Variants in SGCD observed in about 807,000 individuals in gnomAD.
SGCD encodes the protein delta-sarcoglycan.
In SGCD, 18 loss-of-function variants were observed where a neutral mutation model predicts 36.6. The ratio of observed to expected loss-of-function variants is 0.49; its 90% CI spans 0.34 to 0.73. SGCD has a LOEUF of 0.73. Ranked by LOEUF, SGCD falls within the 30% of genes least tolerant of loss-of-function variation. The probability of loss-of-function intolerance (pLI) is 0.01; values close to 1 mark genes in which losing one functional copy is unlikely to be tolerated. For synonymous variants in SGCD, 133 were observed against 130.6 expected, an observed-to-expected ratio of 1.02 and a Z score of -0.12; for missense variants, 387 against 346.7, an observed-to-expected ratio of 1.12 and a Z score of -0.92.
intron 3 of SGCD, among the ~76,000 whole-genome samples, chr5:156,290,416 A>G (rs1197218375): frequency 1.3e-5 from 2 of 152,182 alleles, no homozygotes; most frequent in Non-Finnish European, 1.5e-5. Flanking sequence ...AATAAGGAAG[A>G]TTGCTCAAGA....
chr5:156,539,543 A>G (rs1289328881), intron 4 of SGCD, among the ~76,000 whole-genome samples: 1 of 152,138 alleles, frequency 6.6e-6, no homozygotes, highest in African/African-American at 2.4e-5. Context: ...CTTCACTTAG[A>G]ATAATGGCCT....
chr5:156,393,572 G>T (rs62380729), intron 3 of SGCD, among the ~76,000 whole-genome samples: 22,266 of 152,168 alleles, frequency 0.15, 1,767 homozygotes, highest in South Asian at 0.25. Context: ...GCGTGCTCCT[G>T]TGCATCTCTT....
chr5:156,468,360 AAAGATTATAAATTGTTT>A (rs1437889115), intron 3 of SGCD, among the ~76,000 whole-genome samples: 5 of 144,564 alleles, frequency 3.5e-5, no homozygotes, highest in Non-Finnish European at 1.5e-5. Context: ...AAAAAAAAAA[AAAGATTATAAATTGTTT>A]ATGGCCACTA....
intron 3 of SGCD, among the ~76,000 whole-genome samples, chr5:156,310,453 C>G (rs1767361979): frequency 6.6e-6 from 1 of 152,176 alleles, no homozygotes; most frequent in South Asian, 2.1e-4. Flanking sequence ...CAAGCTACTC[C>G]ATGAACATCC....
chr5:156,488,124 T>TA (rs1554107903), intron 3 of SGCD, among the ~76,000 whole-genome samples: 44 of 130,610 alleles, frequency 3.4e-4, no homozygotes, highest in African/African-American at 9.7e-4. Flanking sequence ...TTTTTTTTTT[T>TA]AAATAACCCA....
At chr5:156,084,425 T>C (rs932017158) in intron 1 of SGCD, among the ~76,000 whole-genome samples, 1 of 152,180 alleles carries the variant, frequency 6.6e-6, no homozygotes, top group African/African-American at 2.4e-5. Flanking sequence ...ATGGGATTAA[T>C]TTTTTGGTTT....
At chr5:155,897,894 A>G (rs1756303060) in intron 1 of SGCD, among the ~76,000 whole-genome samples, 2 of 152,266 alleles carry the variant, frequency 1.3e-5, no homozygotes, top group Admixed American at 6.5e-5. Flanking sequence ...TGTTCCTTCT[A>G]CACTGTAAGT....
the SGCD span, among the ~76,000 whole-genome samples, chr5:155,816,508 G>A: frequency 6.6e-6 from 1 of 152,174 alleles, no homozygotes. Flanking sequence ...AGGAAAAGGA[G>A]AGTTTCGTCT....
chr5:156,269,057 A>G (rs1248439718), intron 3 of SGCD, among the ~76,000 whole-genome samples: 1 of 152,164 alleles, frequency 6.6e-6, no homozygotes, highest in African/African-American at 2.4e-5. Context: ...AATTGGATTT[A>G]CAGTTCCACA....
At chr5:155,913,899 C>A (rs1267925878) in intron 1 of SGCD, among the ~76,000 whole-genome samples, 1 of 152,184 alleles carries the variant, frequency 6.6e-6, no homozygotes, top group Non-Finnish European at 1.5e-5. Context: ...CTGCTACTAA[C>A]CTTTATTAGT....
chr5:156,569,165 T>C (rs1234407038), intron 4 of SGCD, among the ~76,000 whole-genome samples: 1 of 152,196 alleles, frequency 6.6e-6, no homozygotes, highest in Non-Finnish European at 1.5e-5. Context: ...GGCTTTGATA[T>C]TTATTCATGT....
chr5:156,695,531 A>AGATG (rs1754285550), intron 7 of SGCD, among the ~76,000 whole-genome samples: 1 of 122,378 alleles, frequency 8.2e-6, no homozygotes, highest in African/African-American at 3.1e-5. Flanking sequence ...ATAGATAGAT[A>AGATG]GATAGATAGA....
At chr5:156,091,758 C>A (rs1278452651) in intron 1 of SGCD, among the ~76,000 whole-genome samples, 1 of 152,214 alleles carries the variant, frequency 6.6e-6, no homozygotes, top group African/African-American at 2.4e-5. Flanking sequence ...ATTCACCCTG[C>A]AATGAGCCAG....
intron 1 of SGCD, among the ~76,000 whole-genome samples, chr5:156,058,378 A>G (rs1561700204): frequency 6.8e-6 from 1 of 146,432 alleles, no homozygotes; most frequent in African/African-American, 2.5e-5. Context: ...AGAGATTTCA[A>G]ACTAAACCAA....
chr5:155,990,559 T>G (rs1196777174), intron 1 of SGCD, among the ~76,000 whole-genome samples: 1 of 152,178 alleles, frequency 6.6e-6, no homozygotes, highest in East Asian at 1.9e-4. Flanking sequence ...AATGAATGCC[T>G]TTATTACTAA....
chr5:156,573,069 TA>T (rs771787661), intron 4 of SGCD, among the ~76,000 whole-genome samples: 2 of 152,214 alleles, frequency 1.3e-5, no homozygotes, highest in Non-Finnish European at 2.9e-5. Flanking sequence ...TATTTTATAT[TA>T]ATGATATTTA....
rs183921577 is a variant in SGCD, at chr5:156,610,517, C to T, written c.502+15466C>T. ...GACCCACTTGAGGGGGCAGTCTGTC[C>T]GTTCTCAGATCTCCAGCTGCGTGCT... On this transcript the variant is annotated intron_variant, in intron 6 of 8. Coordinates refer to ENST00000337851, the MANE Select transcript of SGCD (RefSeq NM_000337.6). Among the ~76,000 whole-genome samples, 222 of 152,334 alleles carry T rather than the reference C, an allele frequency of 1.5e-3. 6 individuals are homozygous for T. In the East Asian group the frequency reaches 0.04, roughly 28 times the overall value.
intron 4 of SGCD, among the ~76,000 whole-genome samples, chr5:156,582,526 C>T (rs1183068505): frequency 6.6e-6 from 1 of 152,160 alleles, no homozygotes. Context: ...GGTTACACTC[C>T]GTTGCTTTGG....
At chr5:155,905,302 G>C (rs1297668632) in intron 1 of SGCD, among the ~76,000 whole-genome samples, 1 of 152,132 alleles carries the variant, frequency 6.6e-6, no homozygotes, top group African/African-American at 2.4e-5. Context: ...CAGATTTGTA[G>C]GGTAAAACTA....
Sources: gnomAD v4.1 joint callset for allele counts (sites outside exome capture counted in the v4.1 genomes callset) on GRCh38, gnomAD v4.1.1 for gene constraint, MANE v1.5 for transcripts, NCBI Gene and HGNC (gene_info 2026-07-23, HGNC 2026-07-21) for gene names.